The following SLC15A5 variants were observed in gnomAD, a reference collection of about 807,000 sequenced individuals.
SLC15A5 encodes solute carrier family 15 member 5, also known as Peptide/histidine transporter ENSP00000340402.
SLC15A5 carries 58 observed loss-of-function variants against 56.1 expected under a neutral mutation model. The ratio of observed to expected loss-of-function variants is 1.03; its 90% CI spans 0.84 to 1.29. SLC15A5 has a LOEUF of 1.29. Ranked by LOEUF, SLC15A5 falls within the 50% of genes most tolerant of loss-of-function variation. The pLI, the probability that SLC15A5 is intolerant of heterozygous loss-of-function variation, is 0.00. For missense variants in SLC15A5, 681 were observed against 672.1 expected, an observed-to-expected ratio of 1.01 and a Z score of -0.15; for synonymous variants, 264 against 250.5, an observed-to-expected ratio of 1.05 and a Z score of -0.51.
intron 4 of SLC15A5, 57 bp from the exon 5 acceptor site, chr12:16,239,924 G>C (rs537940751): frequency 2.1e-6 from 3 of 1,454,626 alleles, no homozygotes; most frequent in Admixed American, 2.1e-5. Flanking sequence ...TTTGAAGAAA[G>C]CATCGTCCAC....
intron 2 of SLC15A5, 85 bp from the exon 3 acceptor site, chr12:16,257,955 G>A (rs1864594257): frequency 2.5e-6 from 3 of 1,183,528 alleles, no homozygotes; most frequent in African/African-American, 3.2e-5. Context: ...CTAATCAAAT[G>A]TAAACTACCA....
chr12:16,211,598 G>C (rs1480968933), intron 7 of SLC15A5, among the ~76,000 whole-genome samples: 2 of 152,104 alleles, frequency 1.3e-5, no homozygotes, highest in Non-Finnish European at 2.9e-5. Flanking sequence ...CTATTTTTAT[G>C]AAAAGGTTTA....
chr12:16,214,801 G>T (rs947756643), intron 7 of SLC15A5, among the ~76,000 whole-genome samples: 12 of 152,052 alleles, frequency 7.9e-5, no homozygotes, highest in African/African-American at 2.9e-4. Flanking sequence ...AATTTTTCTA[G>T]CAAATTATCA....
Position 16,271,420 on chromosome 12 carries a change from C to CT in SLC15A5, c.584+1140_584+1141insA. Among the ~76,000 whole-genome samples the CT allele has an allele frequency of 6.6e-6, 1 of 152,100 alleles. No homozygotes were observed. The highest frequency in any genetic ancestry group is 6.6e-5 in the Admixed American group (1 of 15,254). ...ATAAAAAAGAAGGATTTTTCTTTCTCCTTTGGGCAGGTCAAGGAGGCAGAA... is the reference window on the plus strand; with the variant it reads ...ATAAAAAAGAAGGATTTTTCTTTCTCTCTTTGGGCAGGTCAAGGAGGCAGAA... On this transcript the variant is annotated intron_variant, in intron 2 of 8. Coordinates refer to ENST00000344941, the MANE Select transcript of SLC15A5 (RefSeq NM_001170798.1). This position sits in a 1 kb window ranked among gnomAD's most constrained non-coding sequence, Gnocchi z 8.0.
At chr12:16,203,884 A>T (rs1172287982) in intron 7 of SLC15A5, among the ~76,000 whole-genome samples, 1 of 152,226 alleles carries the variant, frequency 6.6e-6, no homozygotes, top group Non-Finnish European at 1.5e-5. Flanking sequence ...ATTAATAAAC[A>T]GTAATAATCT....
Position 16,269,213 on chromosome 12 carries a change from T to C in SLC15A5, c.584+3348A>G, listed in dbSNP as rs1278114723. 2.0e-5 allele frequency among the ~76,000 whole-genome samples: 3 copies of C among 152,194 alleles called. No individual in the cohort carries two copies. The highest frequency in any genetic ancestry group is 1.5e-5 in the Non-Finnish European group (1 of 68,032). On this transcript the variant is annotated intron_variant, in intron 2 of 8. Transcript: ENST00000344941. The surrounding 1 kb of genome is among the most constrained non-coding windows in gnomAD (Gnocchi z 4.7). ...AGACAGTACTTGTTTAAAATATGCA[T>C]TTCCCACCTGTCCTCCCAGAAAATT...
At chr12:16,232,583 GA>G (rs1591650003) in intron 5 of SLC15A5, among the ~76,000 whole-genome samples, 1 of 152,142 alleles carries the variant, frequency 6.6e-6, no homozygotes, top group Non-Finnish European at 1.5e-5. Context: ...TTCCGTTTAG[GA>G]AAAAAAGATT....
chr12:16,249,998 G>A (rs903754241), intron 3 of SLC15A5, among the ~76,000 whole-genome samples: 6 of 151,926 alleles, frequency 3.9e-5, no homozygotes, highest in African/African-American at 1.4e-4. Context: ...TGGTCCACAG[G>A]CCACAGAGCT....
intron 3 of SLC15A5, among the ~76,000 whole-genome samples, chr12:16,256,140 C>T (rs554792892): frequency 6.6e-6 from 1 of 152,078 alleles, no homozygotes; most frequent in African/African-American, 2.4e-5. Context: ...TGAAATTCAA[C>T]TCAATAATTT....
rs551699668 is a variant in SLC15A5 at position 16,233,615 on chromosome 12, G to A, written c.1162+6066C>T. ...TTTTATTACCTGTTACTGAACTTTCGTTCTGGCCTAGAGAGAAATTGTGGC... is the reference window on the plus strand; with the variant it reads ...TTTTATTACCTGTTACTGAACTTTCATTCTGGCCTAGAGAGAAATTGTGGC... On this transcript the variant is annotated intron_variant, in intron 5 of 8. Transcript: ENST00000344941. 3.9e-5 allele frequency among the ~76,000 whole-genome samples: 6 copies of A among 152,236 alleles called. No homozygotes were observed. In the South Asian group the frequency reaches 6.2e-4, roughly 16 times the overall value.
intron 5 of SLC15A5, among the ~76,000 whole-genome samples, chr12:16,239,028 C>T (rs1339228222): frequency 2.0e-5 from 3 of 152,106 alleles, no homozygotes; most frequent in Admixed American, 1.3e-4. Flanking sequence ...TTCAAAGTCA[C>T]CAGGAGCAGT....
At position 16,189,529 on chromosome 12, in the gene SLC15A5, T is replaced by C. The variant is rs201024173; in HGVS notation, c.*139A>G. 386 of 647,626 alleles carry C rather than the reference T, an allele frequency of 6.0e-4. 5 individuals carry two copies. The East Asian group carries it at 0.013, about 22-fold the overall frequency. 40.1% of individuals were successfully genotyped at this position (647,626 alleles called of 1,614,324 possible). ...TACTAGAAAATTCATAATTAGTCTT[T>C]GTAAATAAAGTATACAGATGATATT... On this transcript the variant is annotated 3_prime_UTR_variant, in exon 9 of 9. Coordinates refer to ENST00000344941, the MANE Select transcript of SLC15A5 (RefSeq NM_001170798.1).
chr12:16,239,771 G>A lies in SLC15A5; in HGVS notation c.1072C>T (p.Pro358Ser). ...AGAAAAGGAGCCAGAATTAGTAATG[G>A]TAGGCTGCTGATGGCATTCATTACT... is the stretch of plus-strand genomic sequence containing the variant. ...IAVMNAISSLPLLILAPFLEY... is the reference protein window; with the variant it reads ...IAVMNAISSLSLLILAPFLEY... Residue 358 changes from proline (P) to serine (S), a missense_variant, in exon 5 of 9, where the codon CCA (proline) becomes TCA (serine). Pro to Ser is a moderately conservative substitution (Grantham distance 74, BLOSUM62 -1). Transcript: ENST00000344941. 2.0e-6 allele frequency: 3 copies of A among 1,537,274 alleles called. No individual in the cohort carries two copies. Among genetic ancestry groups the A allele is most frequent in the Non-Finnish European group, 2.6e-6 (3 of 1,146,872 alleles).
chr12:16,189,844 T>G (rs936731691), intron 8 of SLC15A5, 29 bp from the exon 9 acceptor site: 1 of 1,433,988 alleles, frequency 7.0e-7, no homozygotes, highest in African/African-American at 1.4e-5. Flanking sequence ...AAGCTTTTCT[T>G]AGGACCAGAT....
chr12:16,211,698 A>G (rs1864082812), intron 7 of SLC15A5, among the ~76,000 whole-genome samples: 1 of 152,182 alleles, frequency 6.6e-6, no homozygotes. Flanking sequence ...TCATTCCCTT[A>G]TATTAGCATT....
intron 6 of SLC15A5, among the ~76,000 whole-genome samples, chr12:16,218,753 C>T (rs1003907062): frequency 6.6e-5 from 10 of 152,142 alleles, no homozygotes; most frequent in Non-Finnish European, 1.3e-4. Context: ...CATGACTGTA[C>T]TGTAAACACT....
At chr12:16,272,467 A>G in intron 2 of SLC15A5, 94 bp downstream of exon 2, 1 of 1,173,232 alleles carries the variant, frequency 8.5e-7, no homozygotes, top group South Asian at 1.4e-5. Flanking sequence ...CCAATTCATC[A>G]CAAAGACTGA....
rs569782368 is a variant in SLC15A5, at chr12:16,196,045, G to A, written c.1484-1592C>T. 3.3e-3 allele frequency among the ~76,000 whole-genome samples: 509 copies of A among 152,186 alleles called. 1 individual carries two copies. Among genetic ancestry groups the A allele is most frequent in the Non-Finnish European group, 6.2e-3 (419 of 68,000 alleles). ...AGAACTGGGTTGTAAAGGTAATCCTGATTATGCTATTAATTTGCAGTAGCT... is the reference window on the plus strand; with the variant it reads ...AGAACTGGGTTGTAAAGGTAATCCTAATTATGCTATTAATTTGCAGTAGCT... On this transcript the variant is annotated intron_variant, in intron 7 of 8. Coordinates refer to ENST00000344941, the MANE Select transcript of SLC15A5 (RefSeq NM_001170798.1). The surrounding 1 kb of genome is among the most constrained non-coding windows in gnomAD (Gnocchi z 4.0).
intron 6 of SLC15A5, among the ~76,000 whole-genome samples, chr12:16,219,214 A>G (rs1864162571): frequency 6.6e-6 from 1 of 152,142 alleles, no homozygotes; most frequent in Admixed American, 6.6e-5. Context: ...GAAGATAATA[A>G]TGGTGATAGG....
Sources: gnomAD v4.1 joint callset for allele counts (sites outside exome capture counted in the v4.1 genomes callset) on GRCh38, gnomAD v4.1.1 for gene constraint, Gnocchi (gnomAD v3.1) non-coding constraint, MANE v1.5 for transcripts, NCBI Gene and HGNC (gene_info 2026-07-23, HGNC 2026-07-21) for gene names.